TOB2: variants seen among roughly 807,000 people sequenced by gnomAD.
TOB2 encodes transducer of ERBB2, 2, also known as protein Tob2.
A neutral mutation model predicts 17.3 loss-of-function variants in TOB2; 3 were observed. The ratio of observed to expected loss-of-function variants is 0.17; its 90% confidence interval spans 0.08 to 0.45. TOB2 has a LOEUF of 0.45. Among genes scored for constraint, TOB2 ranks in the 20% least tolerant of loss-of-function variants. The pLI, the probability that TOB2 is intolerant of heterozygous loss-of-function variation, is 0.99. For missense variants in TOB2, 407 were observed against 445.7 expected (o/e 0.91, Z 0.78); for synonymous variants, 163 against 185.6 (o/e 0.88, Z 0.99).
chr22:41,444,384 C>T (rs1003169478), intron 1 of TOB2, among the ~76,000 whole-genome samples: 1 of 152,184 alleles, frequency 6.6e-6, no homozygotes, highest in Non-Finnish European at 1.5e-5. Context: ...TTCTAGGGCA[C>T]TCCATGTTCC....
chr22:41,445,526 C>T (rs2037674258), intron 1 of TOB2, among the ~76,000 whole-genome samples: 1 of 152,186 alleles, frequency 6.6e-6, no homozygotes, highest in African/African-American at 2.4e-5. Flanking sequence ...GGCCTCCACC[C>T]GTCCCCAAGC....
rs1156455748 is a variant in TOB2, at chr22:41,437,298, C to T, written c.48G>A (p.Leu16=). Residue 16 remains leucine, a synonymous_variant, in exon 2 of 2, where the codon TTG becomes TTA. Transcript: ENST00000327492. ...CCCGGCGCCGGGGCAGCTTGTTGTACAAGTAGGAGATGATGAAGTTCAGGG... is the reference window on the plus strand; with the variant it reads ...CCCGGCGCCGGGGCAGCTTGTTGTATAAGTAGGAGATGATGAAGTTCAGGG... ...KVALNFIISY[L]YNKLPRRRAD... 3.1e-6 allele frequency: 5 copies of T among 1,613,906 alleles called. No homozygotes were observed. The African/African-American group carries it at 5.3e-5, about 17-fold the overall frequency.
intron 1 of TOB2, among the ~76,000 whole-genome samples, chr22:41,440,108 CTT>C (rs2037596963): frequency 1.5e-4 from 10 of 66,238 alleles, no homozygotes; most frequent in Middle Eastern, 5.6e-3. Context: ...CTATTTTTTT[CTT>C]TTTCTTTCTT....
rs1471087428 is a variant in TOB2 at position 41,435,497 on chromosome 22, C to T, written c.*814G>A. Reference sequence around the variant, plus strand: ...ACCAAATACACACACACACACCCCTCCCTACCCACAACATCCAGCCTGGGG... The same window carrying T: ...ACCAAATACACACACACACACCCCTTCCTACCCACAACATCCAGCCTGGGG... On this transcript the variant is annotated 3_prime_UTR_variant, in exon 2 of 2. Transcript: ENST00000327492. 2 of 152,456 alleles carry T rather than the reference C, an allele frequency of 1.3e-5. No homozygotes were observed. Among genetic ancestry groups the T allele is most frequent in the Non-Finnish European group, 1.5e-5 (1 of 68,102 alleles). The allele number at this position is 152,456 out of a possible 1,614,324, so 9.4% of individuals were successfully genotyped here. A position where few individuals can be genotyped will look rare whatever the true frequency, so the allele number is the denominator to read the frequency against.
intron 1 of TOB2, among the ~76,000 whole-genome samples, chr22:41,438,281 A>G (rs1192855162): frequency 1.3e-5 from 2 of 152,148 alleles, no homozygotes; most frequent in Non-Finnish European, 2.9e-5. Flanking sequence ...ATCTGTCATC[A>G]TGGGCCCCAT....
Position 41,438,630 on chromosome 22 carries a change from C to CAAAAAAAAAAAAAAAAA in TOB2, c.-62-1240_-62-1224dup. On this transcript the variant is annotated intron_variant, in intron 1 of 1. Transcript: ENST00000327492. ...GGGCAACAAGAGCGAAACTCTGTCT[C>CAAAAAAAAAAAAAAAAA]AAAAAAAAAAAAAAAAAAAAAAAAA... 2.8e-3 allele frequency among the ~76,000 whole-genome samples: 36 copies of CAAAAAAAAAAAAAAAAA among 12,690 alleles called. 3 individuals are homozygous for CAAAAAAAAAAAAAAAAA. Among genetic ancestry groups the CAAAAAAAAAAAAAAAAA allele is most frequent in the Non-Finnish European group, 3.3e-3 (18 of 5,394 alleles). The allele number at this position is 12,690 out of a possible 152,430, so 8.3% of individuals were successfully genotyped here. A position where few individuals can be genotyped will look rare whatever the true frequency, so the allele number is the denominator to read the frequency against.
At position 41,436,395 on chromosome 22, in the gene TOB2, T is replaced by G. The variant is rs1410458948; in HGVS notation, c.951A>C (p.Thr317=). ...TGTAGCTGAGGCCTTCCACAAAGGG[T>G]GTCTTCTCCAGGAAGAGGCTGTTGG... ...GGANSLFLEK[T]PFVEGLSYNL... is the part of the protein sequence containing the mutation. The change falls in exon 2 of 2, where the codon ACA becomes ACC. Residue 317 remains threonine (T), a synonymous_variant. Transcript: ENST00000327492. The surrounding 1 kb of genome is among the most constrained non-coding windows in gnomAD (Gnocchi z 4.8). 6.2e-7 allele frequency: 1 copy of G among 1,613,768 alleles called. No homozygotes were observed. The highest frequency in any genetic ancestry group is 8.5e-7 in the Non-Finnish European group (1 of 1,179,890).
At chr22:41,442,322 C>A (rs938511940) in intron 1 of TOB2, among the ~76,000 whole-genome samples, 1 of 152,102 alleles carries the variant, frequency 6.6e-6, no homozygotes, top group African/African-American at 2.4e-5. Flanking sequence ...CTCCTCAAAC[C>A]TGGCTGCATA....
intron 1 of TOB2, among the ~76,000 whole-genome samples, chr22:41,438,291 T>C (rs945019301): frequency 6.6e-6 from 1 of 152,136 alleles, no homozygotes; most frequent in South Asian, 2.1e-4. Flanking sequence ...ATGGGCCCCA[T>C]GGGTGTGTAT....
intron 1 of TOB2, among the ~76,000 whole-genome samples, chr22:41,441,922 A>G (rs539754687): frequency 3.3e-5 from 5 of 151,686 alleles, no homozygotes; most frequent in Admixed American, 2.0e-4. Flanking sequence ...AAAAAAAAGA[A>G]AAGAAAAAAC....
chr22:41,441,819 G>A (rs1203982623), intron 1 of TOB2, among the ~76,000 whole-genome samples: 2 of 151,734 alleles, frequency 1.3e-5, no homozygotes, highest in African/African-American at 2.4e-5. Flanking sequence ...GCTGAGGCAG[G>A]AGAATTGCTT....
chr22:41,439,759 G>A (rs1282405321), intron 1 of TOB2, among the ~76,000 whole-genome samples: 2 of 152,036 alleles, frequency 1.3e-5, no homozygotes, highest in South Asian at 2.1e-4. Flanking sequence ...AAAGTGTTCC[G>A]CCTGCCTTGG....
At chr22:41,443,811 C>CG (rs1287613985) in intron 1 of TOB2, among the ~76,000 whole-genome samples, 1 of 151,680 alleles carries the variant, frequency 6.6e-6, no homozygotes, top group Non-Finnish European at 1.5e-5. Flanking sequence ...TTAGCAGAGA[C>CG]GGGGTTTCTC....
In TOB2 at chr22:41,436,819, A is replaced by T; in HGVS notation, c.527T>A (p.Phe176Tyr). The change falls in exon 2 of 2, where the codon TTC (phenylalanine) becomes TAC (tyrosine). Residue 176 changes from phenylalanine (F) to tyrosine (Y), a missense_variant. Physicochemically the swap from Phe to Tyr is conservative, Grantham distance 22. Transcript: ENST00000327492. This position sits in a 1 kb window ranked among gnomAD's most constrained non-coding sequence, Gnocchi z 4.8. Reference sequence around the variant, plus strand: ...GGTGGCAGCGAAGGAGGCGGTGGTGAAGGTGATGGGCTGAGCGGAGCGGGG... The same window carrying T: ...GGTGGCAGCGAAGGAGGCGGTGGTGTAGGTGATGGGCTGAGCGGAGCGGGG... ...FIPRSAQPIT[F>Y]TTASFAATKF... 1 of 1,614,004 alleles carries T rather than the reference A, an allele frequency of 6.2e-7. No homozygotes were observed. The highest frequency in any genetic ancestry group is 8.5e-7 in the Non-Finnish European group (1 of 1,179,920).
chr22:41,446,643 G>A lies in TOB2; in HGVS notation c.-327C>T, dbSNP rs2146044656. On this transcript the variant is annotated 5_prime_UTR_variant, in exon 1 of 2. Coordinates refer to ENST00000327492, the MANE Select transcript of TOB2 (RefSeq NM_016272.4). ...GGGCGGGCGGACTAGCGGCGACGAC[G>A]CGGGGATGGCGGATCGGAGGGTGGT... 6.5e-6 allele frequency: 1 copy of A among 153,148 alleles called. No individual in the cohort carries two copies. Among genetic ancestry groups the A allele is most frequent in the African/African-American group, 2.4e-5 (1 of 41,594 alleles). The allele number at this position is 153,148 out of a possible 1,614,324, so 9.5% of individuals were successfully genotyped here.
chr22:41,436,398 C>G lies in TOB2; in HGVS notation c.948G>C (p.Lys316Asn). 6.2e-7 allele frequency: 1 copy of G among 1,614,120 alleles called. No individual in the cohort carries two copies. The highest frequency in any genetic ancestry group is 8.5e-7 in the Non-Finnish European group (1 of 1,179,978). Residue 316 changes from lysine to asparagine, a missense_variant, in exon 2 of 2, where the codon AAG becomes AAC. Transcript: ENST00000327492. The surrounding 1 kb of genome is among the most constrained non-coding windows in gnomAD (Gnocchi z 4.8). ...GGGANSLFLE[K>N]TPFVEGLSYN... is the part of the protein sequence containing the mutation. ...AGCTGAGGCCTTCCACAAAGGGTGT[C>G]TTCTCCAGGAAGAGGCTGTTGGCAC...
Position 41,436,541 on chromosome 22 carries a change from T to C in TOB2, c.805A>G (p.Ser269Gly), listed in dbSNP as rs2037550434. Residue 269 changes from serine (S) to glycine (G), a missense_variant, in exon 2 of 2, where the codon AGC (serine) becomes GGC (glycine). Coordinates refer to ENST00000327492, the MANE Select transcript of TOB2 (RefSeq NM_016272.4). This position sits in a 1 kb window ranked among gnomAD's most constrained non-coding sequence, Gnocchi z 4.8. ...CCATCGGCCGCATCAAAGAAGAGGC[T>C]GGGTGAGCCACCACCGTTGTACACG... ...EFVYNGGGSPSLFFDAADGQG... is the reference protein window; with the variant it reads ...EFVYNGGGSPGLFFDAADGQG... 5 of 1,610,618 alleles carry C rather than the reference T, an allele frequency of 3.1e-6. No homozygotes were observed. Among genetic ancestry groups the C allele is most frequent in the Non-Finnish European group, 3.4e-6 (4 of 1,178,370 alleles).
chr22:41,438,995 A>T (rs1366549943), intron 1 of TOB2, among the ~76,000 whole-genome samples: 2 of 152,174 alleles, frequency 1.3e-5, no homozygotes, highest in Non-Finnish European at 2.9e-5. Flanking sequence ...CCAGATTGTT[A>T]TTTTGGGATT....
At chr22:41,438,208 G>A (rs11705613) in intron 1 of TOB2, among the ~76,000 whole-genome samples, 4 of 152,134 alleles carry the variant, frequency 2.6e-5, no homozygotes, top group Admixed American at 2.6e-4. Context: ...AAGGGATACA[G>A]GTCACTGAAC....
Sources: gnomAD v4.1 joint callset for allele counts (sites outside exome capture counted in the v4.1 genomes callset) on GRCh38, gnomAD v4.1.1 for gene constraint, Gnocchi (gnomAD v3.1) non-coding constraint, MANE v1.5 for transcripts, NCBI Gene and HGNC (gene_info 2026-07-23, HGNC 2026-07-21) for gene names.